ZNF385B: variants seen among roughly 807,000 people sequenced by gnomAD.
ZNF385B encodes zinc finger protein 385B.
ZNF385B carries 23 observed loss-of-function variants against 39.2 expected under a neutral mutation model. That is an observed-to-expected ratio of 0.59 (90% CI 0.42 to 0.83). ZNF385B has a LOEUF of 0.83. Ranked by LOEUF, ZNF385B falls within the 40% of genes least tolerant of loss-of-function variation. The pLI is 0.00. For synonymous variants in ZNF385B, 205 were observed against 222.6 expected (o/e 0.92, Z 0.70); for missense variants, 552 against 598.9 (o/e 0.92, Z 0.82).
intron 3 of ZNF385B, among the ~76,000 whole-genome samples, chr2:179,756,536 G>A (rs371704684): frequency 6.6e-6 from 1 of 152,154 alleles, no homozygotes; most frequent in Non-Finnish European, 1.5e-5. Context: ...GCCTTGCTAG[G>A]TTGGGGAAGT....
At chr2:179,669,094 T>A (rs1438964892) in intron 3 of ZNF385B, among the ~76,000 whole-genome samples, 1 of 152,206 alleles carries the variant, frequency 6.6e-6, no homozygotes, top group Non-Finnish European at 1.5e-5. Flanking sequence ...AAAAAATACT[T>A]GAGTGTCAGA....
chr2:179,442,493 T>C lies in ZNF385B; in HGVS notation c.*757A>G. Reference sequence around the variant, plus strand: ...AAACAGGTAGTAATTATAGCTATGTTATATGGCTTTCTATTTCATTTAAAT... The same window carrying C: ...AAACAGGTAGTAATTATAGCTATGTCATATGGCTTTCTATTTCATTTAAAT... On this transcript the variant is annotated 3_prime_UTR_variant, in exon 10 of 10. Transcript: ENST00000410066. The C allele has an allele frequency of 6.5e-6, 1 of 152,692 alleles. No homozygotes were observed. The highest frequency in any genetic ancestry group is 1.9e-4 in the East Asian group (1 of 5,204). 9.5% of individuals were successfully genotyped at this position (152,692 alleles called of 1,614,324 possible).
chr2:179,533,306 C>G lies in ZNF385B; in HGVS notation c.441+11521G>C, dbSNP rs111912065. On this transcript the variant is annotated intron_variant, in intron 4 of 9. Transcript: ENST00000410066. ...AGATGTATCAGTTTTACTCCCCCCA[C>G]CACCTCAGAAGTCTAAAGACTGGTA... 2.4e-3 allele frequency among the ~76,000 whole-genome samples: 358 copies of G among 152,286 alleles called. 5 individuals are homozygous for G. Among genetic ancestry groups the G allele is most frequent in the African/African-American group, 8.1e-3 (338 of 41,562 alleles).
chr2:179,493,609 GTACGTACATATATGTATACGCA>G (rs1335847048), intron 5 of ZNF385B, among the ~76,000 whole-genome samples: 6 of 103,046 alleles, frequency 5.8e-5, no homozygotes, highest in African/African-American at 1.0e-4. Context: ...ATACATATAT[GTACGTACATATATGTATACGCA>G]TATGTATACA....
intron 3 of ZNF385B, among the ~76,000 whole-genome samples, chr2:179,687,340 A>G (rs1698000245): frequency 6.6e-6 from 1 of 151,912 alleles, no homozygotes; most frequent in Non-Finnish European, 1.5e-5. Flanking sequence ...TACATTTTGT[A>G]ATTTTTCTTC....
chr2:179,520,583 A>G (rs2058414324), intron 4 of ZNF385B, among the ~76,000 whole-genome samples: 1 of 152,232 alleles, frequency 6.6e-6, no homozygotes, highest in African/African-American at 2.4e-5. Flanking sequence ...ACTTTCTGAC[A>G]GTTACCAGAC....
intron 6 of ZNF385B, among the ~76,000 whole-genome samples, chr2:179,482,166 A>G (rs2054074997): frequency 6.6e-6 from 1 of 152,270 alleles, no homozygotes; most frequent in East Asian, 1.9e-4. Context: ...CTTTTTCCAT[A>G]GTCTCTTTGT....
intron 3 of ZNF385B, among the ~76,000 whole-genome samples, chr2:179,630,134 C>G (rs1160709965): frequency 6.6e-6 from 1 of 152,242 alleles, no homozygotes; most frequent in Non-Finnish European, 1.5e-5. Flanking sequence ...CTTAAATGTC[C>G]CTGTCTGACA....
intron 3 of ZNF385B, among the ~76,000 whole-genome samples, chr2:179,673,262 T>C (rs1411693703): frequency 2.6e-5 from 4 of 152,176 alleles, no homozygotes; most frequent in Admixed American, 2.6e-4. Context: ...AAGTGCATCC[T>C]CAACCCATGG....
At chr2:179,684,624 C>T (rs1354569289) in intron 3 of ZNF385B, among the ~76,000 whole-genome samples, 1 of 152,168 alleles carries the variant, frequency 6.6e-6, no homozygotes, top group African/African-American at 2.4e-5. Flanking sequence ...CATTATTGTG[C>T]AAATGATGCT....
rs1216701726 is a variant in ZNF385B at position 179,443,281 on chromosome 2, G to A, written c.1430C>T (p.Thr477Ile). 8 of 1,612,568 alleles carry A rather than the reference G, an allele frequency of 5.0e-6. No homozygotes were observed. Among genetic ancestry groups the A allele is most frequent in the South Asian group, 1.1e-5 (1 of 91,012 alleles). Residue 477 changes from threonine to isoleucine, a missense_variant, in exon 10 of 10, where the codon ACT becomes ATT. Thr to Ile is a moderately conservative substitution (Grantham distance 89). Transcript: ENST00000410066. The stretch of plus-strand genomic sequence containing the variant: ...CGGAGCAAAGAGGATGGAGGCAGGA[G>A]TGGCGCGGATGGGCCCATGCCCAGG... ...LRPGHGPIRA[T>I]PASILFAPY
chr2:179,777,933 C>T (rs970707893), intron 1 of ZNF385B, among the ~76,000 whole-genome samples: 41 of 152,030 alleles, frequency 2.7e-4, no homozygotes, highest in African/African-American at 9.2e-4. Context: ...CCACCATGCC[C>T]GGCTAATTTT....
intron 3 of ZNF385B, among the ~76,000 whole-genome samples, chr2:179,685,742 C>T (rs1697876481): frequency 6.6e-6 from 1 of 152,144 alleles, no homozygotes; most frequent in Non-Finnish European, 1.5e-5. Flanking sequence ...ATTTGCTAGG[C>T]TTAGCCTGTG....
intron 5 of ZNF385B, among the ~76,000 whole-genome samples, chr2:179,506,709 T>G (rs924280971): frequency 2.6e-5 from 4 of 152,126 alleles, no homozygotes; most frequent in African/African-American, 9.6e-5. Context: ...TATTCAAACT[T>G]TAATTTAAAA....
At chr2:179,584,024 G>C in intron 3 of ZNF385B, 2 of 1,030,014 alleles carry the variant, frequency 1.9e-6, no homozygotes, top group Non-Finnish European at 1.4e-6. Context: ...TGTACACATT[G>C]TTGAAGAAGA....
chr2:179,690,231 A>T (rs183062837), intron 3 of ZNF385B, among the ~76,000 whole-genome samples: 6 of 152,202 alleles, frequency 3.9e-5, no homozygotes, highest in African/African-American at 1.2e-4. Context: ...AAAGAGAGAG[A>T]ACTGAGATAC....
intron 4 of ZNF385B, among the ~76,000 whole-genome samples, chr2:179,529,212 C>T (rs2059113838): frequency 6.6e-6 from 1 of 152,134 alleles, no homozygotes; most frequent in Non-Finnish European, 1.5e-5. Context: ...AAGCCCAGAC[C>T]ACCCTCAACC....
intron 3 of ZNF385B, among the ~76,000 whole-genome samples, chr2:179,628,886 T>C (rs1393449416): frequency 2.0e-5 from 3 of 152,200 alleles, no homozygotes; most frequent in African/African-American, 7.2e-5. Context: ...TACTCATCAG[T>C]TTACAGAATG....
At chr2:179,619,728 A>T (rs1007720180) in intron 3 of ZNF385B, among the ~76,000 whole-genome samples, 7 of 152,236 alleles carry the variant, frequency 4.6e-5, no homozygotes, top group Non-Finnish European at 8.8e-5. Flanking sequence ...TTGTGAACAG[A>T]TACCTGTCAT....
Sources: gnomAD v4.1 joint callset for allele counts (sites outside exome capture counted in the v4.1 genomes callset) on GRCh38, gnomAD v4.1.1 for gene constraint, MANE v1.5 for transcripts, NCBI Gene and HGNC (gene_info 2026-07-23, HGNC 2026-07-21) for gene names.